The following NKAIN2 variants were observed in gnomAD, a reference collection of about 807,000 sequenced individuals.
NKAIN2 encodes sodium/potassium-transporting ATPase subunit beta-1-interacting protein 2.
NKAIN2 carries 14 observed loss-of-function variants against 32.6 expected under a neutral mutation model. That is an observed-to-expected ratio of 0.43 (90% CI 0.28 to 0.67). The LOEUF is 0.67. Ranked by LOEUF, NKAIN2 falls within the 30% of genes least tolerant of loss-of-function variation. The probability of loss-of-function intolerance (pLI) is 0.17; values close to 1 mark genes in which losing one functional copy is unlikely to be tolerated. For missense variants in NKAIN2, 198 were observed against 258.3 expected (o/e 0.77, Z 1.60); for synonymous variants, 80 against 87.2 (o/e 0.92, Z 0.46).
chr6:124,240,903 A>G (rs998228803), intron 1 of NKAIN2, among the ~76,000 whole-genome samples: 5 of 152,158 alleles, frequency 3.3e-5, no homozygotes, highest in African/African-American at 1.2e-4. Context: ...GTAATCAGGC[A>G]AGATAAAGAA....
chr6:124,043,383 G>A (rs1355404206), intron 1 of NKAIN2, among the ~76,000 whole-genome samples: 1 of 151,844 alleles, frequency 6.6e-6, no homozygotes, highest in Non-Finnish European at 1.5e-5. Flanking sequence ...ATTTCTTAAG[G>A]ATATTTATTT....
intron 1 of NKAIN2, among the ~76,000 whole-genome samples, chr6:123,852,226 A>G (rs1257526632): frequency 2.0e-5 from 3 of 152,220 alleles, no homozygotes; most frequent in Non-Finnish European, 4.4e-5. Flanking sequence ...TGATATATGT[A>G]TACATTGTAG....
intron 1 of NKAIN2, among the ~76,000 whole-genome samples, chr6:123,825,918 A>C (rs1326861935): frequency 6.6e-6 from 1 of 152,184 alleles, no homozygotes; most frequent in Non-Finnish European, 1.5e-5. Flanking sequence ...CTTTTCTGGA[A>C]TACTTAGATT....
intron 3 of NKAIN2, among the ~76,000 whole-genome samples, chr6:124,655,984 T>A (rs143409968): frequency 6.6e-6 from 1 of 152,102 alleles, no homozygotes; most frequent in Non-Finnish European, 1.5e-5. Context: ...CTTGCTGGGC[T>A]GTCCAAGCCT....
At chr6:124,369,425 C>G (rs939018304) in intron 3 of NKAIN2, among the ~76,000 whole-genome samples, 2 of 152,144 alleles carry the variant, frequency 1.3e-5, no homozygotes, top group African/African-American at 4.8e-5. Flanking sequence ...TAAGTGGCCC[C>G]TTAGGTCAAG....
At chr6:124,486,435 C>T (rs988248929) in intron 3 of NKAIN2, among the ~76,000 whole-genome samples, 3 of 152,030 alleles carry the variant, frequency 2.0e-5, no homozygotes, top group African/African-American at 7.2e-5. Flanking sequence ...TTTTAGTAAG[C>T]GTTTGTGTTT....
At chr6:124,171,108 A>G (rs1788828991) in intron 1 of NKAIN2, among the ~76,000 whole-genome samples, 1 of 151,984 alleles carries the variant, frequency 6.6e-6, no homozygotes, top group African/African-American at 2.4e-5. Context: ...CTAACACTCA[A>G]CTCTCACTTT....
At chr6:123,977,479 T>G (rs745827283) in intron 1 of NKAIN2, among the ~76,000 whole-genome samples, 35 of 152,156 alleles carry the variant, frequency 2.3e-4, no homozygotes, top group Non-Finnish European at 4.6e-4. Flanking sequence ...ATGTAAAGCT[T>G]ACATTTTAAT....
chr6:123,816,931 T>C (rs1433373408), intron 1 of NKAIN2, among the ~76,000 whole-genome samples: 2 of 152,148 alleles, frequency 1.3e-5, no homozygotes, highest in Non-Finnish European at 2.9e-5. Flanking sequence ...AGAATCATCA[T>C]TGTACATTTT....
intron 1 of NKAIN2, among the ~76,000 whole-genome samples, chr6:124,279,013 AAC>A (rs1795173072): frequency 6.6e-6 from 1 of 152,196 alleles, no homozygotes; most frequent in Admixed American, 6.5e-5. Context: ...ACAAGGTGAA[AAC>A]ACACAACTAC....
At chr6:123,818,644 C>G (rs1267270024) in intron 1 of NKAIN2, among the ~76,000 whole-genome samples, 1 of 152,090 alleles carries the variant, frequency 6.6e-6, no homozygotes, top group South Asian at 2.1e-4. Flanking sequence ...TTGGTGGACT[C>G]TAATTTGCAT....
chr6:124,623,539 A>G (rs1345700609), intron 3 of NKAIN2, among the ~76,000 whole-genome samples: 1 of 151,552 alleles, frequency 6.6e-6, no homozygotes, highest in Non-Finnish European at 1.5e-5. Context: ...AATAACAAGT[A>G]CAGTTAGTTG....
At chr6:123,972,616 G>A (rs993776949) in intron 1 of NKAIN2, among the ~76,000 whole-genome samples, 2 of 152,160 alleles carry the variant, frequency 1.3e-5, no homozygotes, top group African/African-American at 4.8e-5. Context: ...AAAGATAAGA[G>A]CCTGATGTTA....
At chr6:124,062,469 C>A (rs1167753139) in intron 1 of NKAIN2, among the ~76,000 whole-genome samples, 1 of 152,170 alleles carries the variant, frequency 6.6e-6, no homozygotes, top group East Asian at 1.9e-4. Flanking sequence ...CACTCTGTTG[C>A]CCAGGCTGGA....
At chr6:124,127,755 C>T (rs1452322372) in intron 1 of NKAIN2, among the ~76,000 whole-genome samples, 2 of 152,084 alleles carry the variant, frequency 1.3e-5, no homozygotes, top group African/African-American at 2.4e-5. Flanking sequence ...TTTACATTTC[C>T]GCCAACCTGG....
intron 3 of NKAIN2, among the ~76,000 whole-genome samples, chr6:124,572,602 A>G (rs1030660379): frequency 1.3e-5 from 2 of 152,170 alleles, no homozygotes; most frequent in African/African-American, 4.8e-5. Context: ...GAAGCTGCCT[A>G]TCATATGAAT....
Position 124,135,351 on chromosome 6 carries a change from C to T in NKAIN2, c.55-147654C>T, listed in dbSNP as rs188292537. Among the ~76,000 whole-genome samples the T allele has an allele frequency of 3.4e-3, 514 of 151,884 alleles. 3 individuals carry two copies. Among genetic ancestry groups the T allele is most frequent in the Non-Finnish European group, 5.2e-3 (355 of 67,948 alleles). On this transcript the variant is annotated intron_variant, in intron 1 of 6. Transcript: ENST00000368417. ...AGAACGGCAGATGGAAAAAATTCCA[C>T]CAACCAAGTATCTGCTATCTTCAAG...
At chr6:124,533,893 A>G (rs1175406259) in intron 3 of NKAIN2, among the ~76,000 whole-genome samples, 1 of 152,060 alleles carries the variant, frequency 6.6e-6, no homozygotes, top group East Asian at 1.9e-4. Context: ...GTGTCCTCAC[A>G]CGTATGAAGG....
intron 1 of NKAIN2, among the ~76,000 whole-genome samples, chr6:124,193,627 C>T (rs1021363312): frequency 1.8e-4 from 28 of 152,238 alleles, no homozygotes; most frequent in Admixed American, 3.9e-4. Flanking sequence ...TATTTCAGCC[C>T]TGTTTGTTTT....
Sources: allele counts gnomAD v4.1 joint callset (sites outside exome capture counted in the v4.1 genomes callset), GRCh38; gene constraint gnomAD v4.1.1; transcripts MANE v1.5; gene names NCBI Gene and HGNC (gene_info 2026-07-23, HGNC 2026-07-21).